Variants in ANO2 observed in about 807,000 individuals in gnomAD.
The protein encoded by ANO2 is anoctamin 2, also known as anoctamin-2.
ANO2 carries 101 observed loss-of-function variants against 124.2 expected under a neutral mutation model. The observed-to-expected ratio is 0.81, with a 90% CI of 0.69 to 0.96. The LOEUF is 0.96. Ranked by LOEUF, ANO2 falls within the 40% of genes least tolerant of loss-of-function variation. ANO2 has a pLI of 0.00. For synonymous variants in ANO2, 486 were observed against 482.5 expected, an observed-to-expected ratio of 1.01 and a Z score of -0.09; for missense variants, 1,293 against 1,274.5, an observed-to-expected ratio of 1.01 and a Z score of -0.22.
At chr12:5,875,601 A>C (rs568851144) in intron 3 of ANO2, among the ~76,000 whole-genome samples, 70 of 152,226 alleles carry the variant, frequency 4.6e-4, no homozygotes, top group Non-Finnish European at 8.8e-4. Context: ...GCAGATGCCT[A>C]ATAACTACCA....
At chr12:5,745,946 G>A (rs1350743337) in intron 11 of ANO2, among the ~76,000 whole-genome samples, 1 of 152,180 alleles carries the variant, frequency 6.6e-6, no homozygotes, top group Non-Finnish European at 1.5e-5. Flanking sequence ...TATTTTCAGA[G>A]AGGAAAGTAC....
rs1388942950 is a variant in ANO2 at position 5,647,778 on chromosome 12, C to T, written c.1569G>A (p.Trp523Ter). Reference protein sequence around the residue: ...GDEDDEDKLTWKDRFPGYLMN... With the variant: ...GDEDDEDKLT ...TCAGGTAACCTGGGAAACGATCCTT[C>T]CAGGTCAGTTTATCTTCATCATCCT... The change falls in exon 15 of 25, where the codon TGG (tryptophan) becomes TGA (stop). Residue 523 changes from tryptophan to a stop codon, truncating the protein, a stop_gained. Coordinates refer to ENST00000682330, the MANE Select transcript of ANO2 (RefSeq NM_001364791.2). LOFTEE classifies it high-confidence loss of function. 6.2e-7 allele frequency: 1 copy of T among 1,610,176 alleles called. No individual in the cohort carries two copies. Among genetic ancestry groups the T allele is most frequent in the South Asian group, 1.1e-5 (1 of 89,536 alleles).
chr12:5,765,635 G>A (rs560989898), intron 10 of ANO2, among the ~76,000 whole-genome samples: 2 of 152,224 alleles, frequency 1.3e-5, no homozygotes, highest in Admixed American at 6.5e-5. Flanking sequence ...TTAAAACCAC[G>A]TTAATGTGAA....
chr12:5,835,200 T>A (rs1565709254), intron 4 of ANO2, among the ~76,000 whole-genome samples: 1 of 152,136 alleles, frequency 6.6e-6, no homozygotes, highest in Non-Finnish European at 1.5e-5. Context: ...TCAAGCTATG[T>A]TTAAGGAGGT....
At chr12:5,639,938 A>T (rs1285106471) in intron 15 of ANO2, among the ~76,000 whole-genome samples, 1 of 152,128 alleles carries the variant, frequency 6.6e-6, no homozygotes, top group African/African-American at 2.4e-5. Context: ...AGTGTAAGAA[A>T]ATGAGTATCT....
At chr12:5,656,449 T>C (rs1947158087) in intron 14 of ANO2, among the ~76,000 whole-genome samples, 1 of 150,576 alleles carries the variant, frequency 6.6e-6, no homozygotes, top group African/African-American at 2.5e-5. Context: ...CTTGGGTTAT[T>C]TCCTCCCACA....
intron 15 of ANO2, among the ~76,000 whole-genome samples, chr12:5,639,450 T>C (rs1034948195): frequency 6.6e-6 from 1 of 152,030 alleles, no homozygotes; most frequent in South Asian, 2.1e-4. Context: ...TGGGAAAACA[T>C]AGACAATAAA....
intron 24 of ANO2, 110 bp from the exon 25 acceptor site, chr12:5,563,678 C>T: frequency 7.1e-7 from 1 of 1,400,686 alleles, no homozygotes; most frequent in Non-Finnish European, 9.8e-7. Context: ...AACTTACCAG[C>T]CCAGTGATCG....
intron 20 of ANO2, among the ~76,000 whole-genome samples, chr12:5,593,975 G>C (rs1943533001): frequency 6.6e-6 from 1 of 152,188 alleles, no homozygotes; most frequent in South Asian, 2.1e-4. Flanking sequence ...TAAGAGGATA[G>C]TCCAGAGATA....
At chr12:5,595,430 T>C (rs948057095) in intron 20 of ANO2, among the ~76,000 whole-genome samples, 2 of 152,026 alleles carry the variant, frequency 1.3e-5, no homozygotes, top group African/African-American at 2.4e-5. Flanking sequence ...ATTATGTTGC[T>C]CAGGCTCATC....
At chr12:5,870,342 C>G (rs529721042) in intron 3 of ANO2, 1 of 152,300 alleles carries the variant, frequency 6.6e-6, no homozygotes, top group East Asian at 1.9e-4. Flanking sequence ...GGGGGAAACA[C>G]GGAGACCAGG....
At chr12:5,629,082 C>T (rs1036898298) in intron 16 of ANO2, among the ~76,000 whole-genome samples, 1 of 152,160 alleles carries the variant, frequency 6.6e-6, no homozygotes, top group Non-Finnish European at 1.5e-5. Flanking sequence ...TCCTAAAAAC[C>T]TTGACTTGAC....
At chr12:5,607,699 G>A (rs1367135137) in intron 19 of ANO2, among the ~76,000 whole-genome samples, 1 of 152,058 alleles carries the variant, frequency 6.6e-6, no homozygotes, top group Non-Finnish European at 1.5e-5. Flanking sequence ...GGCCGGTGGC[G>A]GCATCAGATT....
At chr12:5,660,915 G>C (rs1947404823) in intron 14 of ANO2, among the ~76,000 whole-genome samples, 1 of 152,182 alleles carries the variant, frequency 6.6e-6, no homozygotes, top group Non-Finnish European at 1.5e-5. Flanking sequence ...CACTGCTTCA[G>C]GTGACACACC....
In ANO2 at chr12:5,795,127, G is replaced by A. The variant is rs1053685296; in HGVS notation, c.1055+4380C>T. On this transcript the variant is annotated intron_variant, in intron 10 of 24. Coordinates refer to ENST00000682330, the MANE Select transcript of ANO2 (RefSeq NM_001364791.2). Reference sequence around the variant, plus strand: ...AGTGCTGGGGAACCCTGGCAAGGACGGTGACCTGTGCCTTGCAGTAGGAGG... The same window carrying A: ...AGTGCTGGGGAACCCTGGCAAGGACAGTGACCTGTGCCTTGCAGTAGGAGG... Among the ~76,000 whole-genome samples, 5 of 152,324 alleles carry A rather than the reference G, an allele frequency of 3.3e-5. No homozygotes were observed. The South Asian group carries it at 8.3e-4, about 25-fold the overall frequency.
chr12:5,836,445 TTCTA>T (rs1021613189), intron 4 of ANO2, among the ~76,000 whole-genome samples: 39 of 152,212 alleles, frequency 2.6e-4, no homozygotes, highest in Non-Finnish European at 4.3e-4. Context: ...GCATCCTGTG[TTCTA>T]TCTGACATTT....
chr12:5,709,446 TC>T (rs1323764937), intron 14 of ANO2, among the ~76,000 whole-genome samples: 3 of 152,146 alleles, frequency 2.0e-5, no homozygotes, highest in Non-Finnish European at 4.4e-5. Context: ...GTGTATTTTT[TC>T]CCAAAATATT....
At chr12:5,820,755 G>C (rs1953770236) in intron 7 of ANO2, among the ~76,000 whole-genome samples, 1 of 152,236 alleles carries the variant, frequency 6.6e-6, no homozygotes, top group South Asian at 2.1e-4. Flanking sequence ...CATTTGGCCT[G>C]TGCAGAAGAC....
chr12:5,697,276 C>T (rs886116590), intron 14 of ANO2, among the ~76,000 whole-genome samples: 22 of 151,724 alleles, frequency 1.5e-4, no homozygotes, highest in African/African-American at 4.1e-4. Context: ...ACTGAAAATA[C>T]GAAAAATTAG....
Sources: gnomAD v4.1 joint callset for allele counts (sites outside exome capture counted in the v4.1 genomes callset) on GRCh38, gnomAD v4.1.1 for gene constraint, MANE v1.5 for transcripts, NCBI Gene and HGNC (gene_info 2026-07-23, HGNC 2026-07-21) for gene names.